CDKL5: variants seen among roughly 807,000 people sequenced by gnomAD.
CDKL5 encodes cyclin dependent kinase like 5.
In CDKL5, 8 loss-of-function variants were observed where a neutral mutation model predicts 61.7. The ratio of observed to expected loss-of-function variants is 0.13; its 90% CI spans 0.08 to 0.23. The LOEUF is 0.23. CDKL5 is among the 10% of genes least tolerant of loss of function. CDKL5 has a pLI of 1.00. For synonymous variants in CDKL5, 275 were observed against 272.3 expected (o/e 1.01, Z -0.10); for missense variants, 440 against 734.5 (o/e 0.60, Z 4.63).
chrX:18,474,297 T>C (rs1921221908), intron 1 of CDKL5, among the ~76,000 whole-genome samples: 1 of 111,898 alleles, frequency 8.9e-6, no homozygotes, highest in Admixed American at 9.5e-5. Context: ...TATAGTATGG[T>C]ATCAGAAAAA....
rs1288410052 is a variant in CDKL5, at chrX:18,635,212, T to C, written c.*6455T>C. On this transcript the variant is annotated 3_prime_UTR_variant, in exon 18 of 18. Coordinates refer to ENST00000623535, the MANE Select transcript of CDKL5 (RefSeq NM_001323289.2). ...TGTTGGTACATCTTATCAAGTTTTT[T>C]CTGGCATGTAATTCCATTCTAAACT... is the stretch of plus-strand genomic sequence containing the variant. 1 of 744,580 alleles carries C rather than the reference T, an allele frequency of 1.3e-6. No individual in the cohort carries two copies. The highest frequency in any genetic ancestry group is 2.3e-5 in the African/African-American group (1 of 42,874). The allele number at this position is 744,580 out of a possible 1,213,427, so 61.4% of individuals were successfully genotyped here.
chrX:18,515,577 G>C (rs1003093490), intron 3 of CDKL5, among the ~76,000 whole-genome samples: 1 of 111,552 alleles, frequency 9.0e-6, no homozygotes, highest in Admixed American at 9.5e-5. Context: ...CCAGGGACTT[G>C]AATGTGGTAA....
intron 21 of CDKL5, chrX:18,650,689 A>G: frequency 1.0e-6 from 1 of 978,797 alleles, no homozygotes; most frequent in East Asian, 3.1e-5. Context: ...CCACACCCCC[A>G]GGGATTCTGA....
intron 1 of CDKL5, among the ~76,000 whole-genome samples, chrX:18,481,443 C>G (rs775519616): frequency 9.3e-6 from 1 of 107,179 alleles, no homozygotes; most frequent in Non-Finnish European, 1.9e-5. Flanking sequence ...GCCTTGACCT[C>G]CTAGGCTCAG....
chrX:18,652,401 G>A (rs1486687666), intron 21 of CDKL5, among the ~76,000 whole-genome samples: 1 of 112,518 alleles, frequency 8.9e-6, no homozygotes, highest in Non-Finnish European at 1.9e-5. Context: ...GGGTGCAGTG[G>A]CTCACGCCTG....
At chrX:18,467,587 G>A (rs1372600644) in intron 1 of CDKL5, among the ~76,000 whole-genome samples, 1 of 111,894 alleles carries the variant, frequency 8.9e-6, no homozygotes, top group African/African-American at 3.2e-5. Context: ...TGAGGGATCA[G>A]AGTATTGTCA....
At chrX:18,510,917 G>C in intron 3 of CDKL5, 63 bp downstream of exon 3, 3 of 839,446 alleles carry the variant, frequency 3.6e-6, no homozygotes, top group East Asian at 3.1e-5. Flanking sequence ...AACTAATGTA[G>C]TGGTCTTTGC....
intron 12 of CDKL5, among the ~76,000 whole-genome samples, chrX:18,605,629 G>A (rs1926338939): frequency 8.9e-6 from 1 of 112,169 alleles, no homozygotes; most frequent in South Asian, 3.7e-4. Context: ...ACAAGAAGTA[G>A]CATTCTTACA....
intron 3 of CDKL5, among the ~76,000 whole-genome samples, chrX:18,514,380 C>T (rs966213813): frequency 2.2e-4 from 24 of 111,137 alleles, no homozygotes; most frequent in Non-Finnish European, 2.3e-4. Flanking sequence ...GACTAAGCTT[C>T]TTTTTAGGAC....
chrX:18,469,573 AG>A (rs1921011909), intron 1 of CDKL5, among the ~76,000 whole-genome samples: 1 of 102,560 alleles, frequency 9.8e-6, no homozygotes, highest in South Asian at 4.5e-4. Flanking sequence ...GCTTGAACCC[AG>A]GAGGCGGAGG....
At chrX:18,641,612 GTA>G, downstream of CDKL5, 1 of 177,922 alleles carries the variant, frequency 5.6e-6, no homozygotes, top group Non-Finnish European at 1.1e-5. Flanking sequence ...TTAGGAAACT[GTA>G]TGTTTCTGTC....
intron 3 of CDKL5, among the ~76,000 whole-genome samples, chrX:18,555,699 A>T (rs1374773211): frequency 1.8e-5 from 2 of 112,215 alleles, no homozygotes; most frequent in Non-Finnish European, 3.8e-5. Context: ...TGCATTTTTA[A>T]CTTACTGTCA....
At chrX:18,560,257 A>T (rs1223069305) in intron 3 of CDKL5, among the ~76,000 whole-genome samples, 4 of 111,587 alleles carry the variant, frequency 3.6e-5, no homozygotes, top group African/African-American at 1.3e-4. Context: ...CAACAGTGTA[A>T]AAGTGTTCCT....
chrX:18,491,387 C>G (rs1245913583), intron 1 of CDKL5, among the ~76,000 whole-genome samples: 1 of 111,684 alleles, frequency 9.0e-6, no homozygotes, highest in African/African-American at 3.3e-5. Flanking sequence ...CAAAAGTTGT[C>G]AAGATCAACC....
In CDKL5 at chrX:18,630,163, T is replaced by A; in HGVS notation, c.*1406T>A. ...TTTTCTTCCTGGGGCTGTCCACTTA[T>A]GACAAGATTTTCATGCACACCTGTT... On this transcript the variant is annotated 3_prime_UTR_variant, in exon 18 of 18. Coordinates refer to ENST00000623535, the MANE Select transcript of CDKL5 (RefSeq NM_001323289.2). 6 of 753,792 alleles carry A rather than the reference T, an allele frequency of 8.0e-6. No individual in the cohort carries two copies. The highest frequency in any genetic ancestry group is 9.4e-6 in the Non-Finnish European group (6 of 638,979). 62.1% of individuals were successfully genotyped at this position (753,792 alleles called of 1,213,427 possible). A position where few individuals can be genotyped will look rare whatever the true frequency, so the allele number is the denominator to read the frequency against.
chrX:18,644,487 G>A, downstream of CDKL5: 2 of 1,211,684 alleles, frequency 1.7e-6, no homozygotes, highest in Non-Finnish European at 2.2e-6. Context: ...CATCGGTCCT[G>A]TACTGCACGC....
chrX:18,528,267 G>C (rs1237823068), intron 3 of CDKL5, among the ~76,000 whole-genome samples: 1 of 75,088 alleles, frequency 1.3e-5, no homozygotes, highest in Non-Finnish European at 2.4e-5. Context: ...TTTGCCTGCT[G>C]TATCTATCGG....
chrX:18,475,194 C>T (rs1340996991), intron 1 of CDKL5, among the ~76,000 whole-genome samples: 3 of 110,937 alleles, frequency 2.7e-5, no homozygotes, highest in East Asian at 2.8e-4. Context: ...CCTGACCTCA[C>T]GTGATCCGCC....
intron 1 of CDKL5, among the ~76,000 whole-genome samples, chrX:18,462,257 C>T (rs1374231244): frequency 1.8e-5 from 2 of 110,561 alleles, no homozygotes; most frequent in African/African-American, 3.3e-5. Context: ...GGATTTCAGT[C>T]GCAGCTGCAA....
Sources: allele counts gnomAD v4.1 joint callset (sites outside exome capture counted in the v4.1 genomes callset), GRCh38; gene constraint gnomAD v4.1.1; transcripts MANE v1.5; gene names NCBI Gene and HGNC (gene_info 2026-07-23, HGNC 2026-07-21).